Variants in MDH1 observed in about 807,000 individuals in gnomAD.
MDH1 encodes malate dehydrogenase, cytoplasmic.
MDH1 carries 15 observed loss-of-function variants against 38.7 expected under a neutral mutation model. The observed-to-expected ratio is 0.39, with a 90% CI of 0.26 to 0.60. The LOEUF (loss-of-function observed/expected upper bound fraction) is 0.60. Among genes scored for constraint, MDH1 ranks in the 20% least tolerant of loss-of-function variants. The pLI is 0.56. For missense variants in MDH1, 368 were observed against 405.2 expected, an observed-to-expected ratio of 0.91 and a Z score of 0.79; for synonymous variants, 144 against 143.6, an observed-to-expected ratio of 1.00 and a Z score of -0.02.
At chr2:63,606,677 A>G (rs2106631096) in intron 8 of MDH1, among the ~76,000 whole-genome samples, 185 bp from the exon 9 acceptor site, 1 of 151,800 alleles carries the variant, frequency 6.6e-6, no homozygotes, top group Non-Finnish European at 1.5e-5. Flanking sequence ...TTTTAGATTC[A>G]AGGGGTTTAA....
intron 5 of MDH1, among the ~76,000 whole-genome samples, chr2:63,601,367 G>C (rs1484146369): frequency 1.3e-5 from 2 of 152,212 alleles, no homozygotes; most frequent in Non-Finnish European, 2.9e-5. Context: ...GAACTTGCCT[G>C]TGTATTTGCA....
chr2:63,589,584 C>T (rs1427571316), intron 1 of MDH1, among the ~76,000 whole-genome samples: 1 of 152,186 alleles, frequency 6.6e-6, no homozygotes, highest in East Asian at 1.9e-4. Flanking sequence ...TTATTTGGAA[C>T]CCGTTCATTG....
chr2:63,596,236 T>C (rs1043656895), intron 3 of MDH1, among the ~76,000 whole-genome samples: 3 of 152,218 alleles, frequency 2.0e-5, no homozygotes, highest in Non-Finnish European at 4.4e-5. Flanking sequence ...TTAATGATAC[T>C]CTCCTAGAAG....
At chr2:63,601,834 T>G (rs1304029986) in intron 5 of MDH1, among the ~76,000 whole-genome samples, 2 of 152,220 alleles carry the variant, frequency 1.3e-5, no homozygotes, top group East Asian at 3.8e-4. Flanking sequence ...TGGTAATATA[T>G]ATCTTGAGTT....
intron 1 of MDH1, chr2:63,589,963 T>A (rs1709139826): frequency 6.5e-6 from 1 of 154,472 alleles, no homozygotes; most frequent in Non-Finnish European, 1.4e-5. Context: ...GGCTGGAGAA[T>A]GTGGAGAAAT....
chr2:63,599,801 T>C (rs1709387688), intron 5 of MDH1: 1 of 152,314 alleles, frequency 6.6e-6, no homozygotes, highest in African/African-American at 2.4e-5. Context: ...ATTTCCTCCT[T>C]TCACTACTTA....
chr2:63,595,583 GT>G, intron 3 of MDH1, 64 bp downstream of exon 3: 1 of 1,060,366 alleles, frequency 9.4e-7, no homozygotes, highest in Non-Finnish European at 1.4e-6. Context: ...CAGGTTTTAG[GT>G]TTTTGTTAAA....
chr2:63,590,476 C>T (rs576273390), intron 1 of MDH1: 2 of 152,298 alleles, frequency 1.3e-5, no homozygotes, highest in South Asian at 4.1e-4. Flanking sequence ...TTTTTACTAG[C>T]TGAGATTCCG....
intron 5 of MDH1, among the ~76,000 whole-genome samples, chr2:63,602,439 A>C (rs1365242355): frequency 1.3e-5 from 2 of 149,240 alleles, no homozygotes; most frequent in African/African-American, 4.9e-5. Context: ...CCATGTACCC[A>C]TCACCCATTG....
intron 5 of MDH1, among the ~76,000 whole-genome samples, chr2:63,603,655 C>CTT (rs11297982): frequency 3.5e-3 from 344 of 99,058 alleles, no homozygotes; most frequent in Non-Finnish European, 4.8e-3. Flanking sequence ...CAAGACATTT[C>CTT]TTTTTTTTTT....
intron 1 of MDH1, chr2:63,590,435 G>C (rs1415041870): frequency 6.6e-6 from 1 of 152,126 alleles, no homozygotes; most frequent in African/African-American, 2.4e-5. Flanking sequence ...CAGCGGGGGA[G>C]AGACAGTGTA....
intron 5 of MDH1, among the ~76,000 whole-genome samples, chr2:63,602,934 C>T (rs1390593332): frequency 2.3e-5 from 3 of 131,536 alleles, no homozygotes; most frequent in Non-Finnish European, 3.4e-5. Flanking sequence ...TTTAACCGTT[C>T]TTTTTTTTTT....
At chr2:63,603,627 GATTTT>G (rs1709470488) in intron 5 of MDH1, among the ~76,000 whole-genome samples, 1 of 145,430 alleles carries the variant, frequency 6.9e-6, no homozygotes, top group African/African-American at 2.5e-5. Flanking sequence ...CAAGCAGGCT[GATTTT>G]ATTTAAATCT....
At chr2:63,595,828 T>TC (rs2106608230) in intron 3 of MDH1, among the ~76,000 whole-genome samples, 1 of 152,272 alleles carries the variant, frequency 6.6e-6, no homozygotes, top group South Asian at 2.1e-4. Context: ...CACACACACA[T>TC]TATAGACAAC....
At chr2:63,605,208 C>T (rs982793817) in intron 6 of MDH1, 72 bp from the exon 7 acceptor site, 10 of 996,380 alleles carry the variant, frequency 1.0e-5, no homozygotes, top group African/African-American at 1.6e-5. Context: ...ACCCCAAGGT[C>T]GACTTGGAAT....
chr2:63,603,697 G>A (rs1321654162), intron 5 of MDH1, among the ~76,000 whole-genome samples: 6 of 122,026 alleles, frequency 4.9e-5, no homozygotes, highest in African/African-American at 1.9e-4. Context: ...TCGCTGCATC[G>A]CCCATGCTGG....
Position 63,606,889 on chromosome 2 carries a change from C to A in MDH1, c.907C>A (p.Leu303Ile), listed in dbSNP as rs1393950557. Residue 303 changes from leucine (L) to isoleucine (I), a missense_variant, in exon 9 of 9, where the codon CTC becomes ATC. Physicochemically the swap from Leu to Ile is conservative, Grantham distance 5. Coordinates refer to ENST00000233114, the MANE Select transcript of MDH1 (RefSeq NM_005917.4). ...KNKTWKFVEG[L>I]PINDFSREKM... ...TAAGACCTGGAAGTTTGTTGAAGGT[C>A]TCCCTATTAATGATTTCTCACGTGA... 3.1e-6 allele frequency: 5 copies of A among 1,610,902 alleles called. No individual in the cohort carries two copies. The African/African-American group carries it at 5.3e-5, about 17-fold the overall frequency.
At chr2:63,589,118 G>A in intron 1 of MDH1, 72 bp downstream of exon 1, 1 of 1,614,050 alleles carries the variant, frequency 6.2e-7, no homozygotes, top group African/African-American at 1.3e-5. Flanking sequence ...TGCACTTTAG[G>A]GACTTTTGGG....
chr2:63,602,522 A>G (rs1709443202), intron 5 of MDH1, among the ~76,000 whole-genome samples: 1 of 152,080 alleles, frequency 6.6e-6, no homozygotes, highest in African/African-American at 2.4e-5. Flanking sequence ...TATTAACTAG[A>G]CTTACTGAAG....
Sources: gnomAD v4.1 joint callset for allele counts (sites outside exome capture counted in the v4.1 genomes callset) on GRCh38, gnomAD v4.1.1 for gene constraint, MANE v1.5 for transcripts, NCBI Gene and HGNC (gene_info 2026-07-23, HGNC 2026-07-21) for gene names.